MYO18B: variants seen among roughly 807,000 people sequenced by gnomAD.
The protein encoded by MYO18B is myosin XVIIIB.
In MYO18B, 204 loss-of-function variants were observed where a neutral mutation model predicts 273.0. The ratio of observed to expected loss-of-function variants is 0.75; its 90% CI spans 0.67 to 0.84. The LOEUF (loss-of-function observed/expected upper bound fraction) is 0.84, where lower values mean the gene tolerates loss of function less well. Ranked by LOEUF, MYO18B falls within the 40% of genes least tolerant of loss-of-function variation. The probability of loss-of-function intolerance (pLI) is 0.00; values close to 1 mark genes in which losing one functional copy is unlikely to be tolerated. For synonymous variants in MYO18B, 1,330 were observed against 1,305.7 expected (o/e 1.02, Z -0.40); for missense variants, 3,212 against 3,287.6 (o/e 0.98, Z 0.56).
intron 36 of MYO18B, among the ~76,000 whole-genome samples, chr22:25,948,488 C>A (rs1266704908): frequency 8.1e-6 from 1 of 123,218 alleles, no homozygotes; most frequent in South Asian, 2.7e-4. Flanking sequence ...CTTTCTTTCT[C>A]TTTCTTTCTT....
intron 1 of MYO18B, among the ~76,000 whole-genome samples, chr22:25,752,476 C>T (rs549815431): frequency 1.8e-3 from 278 of 152,076 alleles, no homozygotes; most frequent in Non-Finnish European, 2.6e-3. Flanking sequence ...CGTGAGCCAC[C>T]GCGCCCGGCC....
intron 42 of MYO18B, among the ~76,000 whole-genome samples, chr22:26,022,994 C>T (rs532006244): frequency 6.6e-6 from 1 of 152,250 alleles, no homozygotes; most frequent in Non-Finnish European, 1.5e-5. Context: ...GGCTACTTCG[C>T]CATGGACCCC....
chr22:25,786,394 C>T (rs973810143), intron 11 of MYO18B, among the ~76,000 whole-genome samples: 1 of 151,776 alleles, frequency 6.6e-6, no homozygotes, highest in Non-Finnish European at 1.5e-5. Context: ...TAGGAGTTCA[C>T]CAGATGGAGG....
chr22:25,791,251 A>G (rs2087648217), intron 11 of MYO18B, among the ~76,000 whole-genome samples: 1 of 152,186 alleles, frequency 6.6e-6, no homozygotes, highest in Admixed American at 6.5e-5. Context: ...GGCGGAGGCA[A>G]CCATGAGCTG....
chr22:25,930,713 A>G (rs1228262753), intron 34 of MYO18B, among the ~76,000 whole-genome samples: 2 of 151,876 alleles, frequency 1.3e-5, no homozygotes, highest in Non-Finnish European at 2.9e-5. Context: ...GGCTCAAGTG[A>G]TCCACCCGCC....
chr22:25,831,476 G>A (rs6004786), intron 15 of MYO18B, among the ~76,000 whole-genome samples: 2,535 of 152,206 alleles, frequency 0.017, 68 homozygotes, highest in East Asian at 0.11. Context: ...TCTGCCTCCC[G>A]GGTTCAAGCG....
At chr22:25,821,009 T>C (rs1425919088) in intron 12 of MYO18B, among the ~76,000 whole-genome samples, 1 of 152,248 alleles carries the variant, frequency 6.6e-6, no homozygotes, top group Non-Finnish European at 1.5e-5. Context: ...CAAGACTTCA[T>C]GCTTTTTTAT....
At chr22:25,793,941 C>CT (rs935110318) in intron 11 of MYO18B, among the ~76,000 whole-genome samples, 57 of 149,650 alleles carry the variant, frequency 3.8e-4, no homozygotes, top group South Asian at 8.5e-4. Flanking sequence ...TTGTCTCTCT[C>CT]TTTTTTTTTT....
intron 39 of MYO18B, among the ~76,000 whole-genome samples, chr22:25,977,988 A>G (rs1011734858): frequency 6.6e-6 from 1 of 152,198 alleles, no homozygotes; most frequent in Non-Finnish European, 1.5e-5. Flanking sequence ...GACCTGCTGC[A>G]TGCTACCCAA....
chr22:26,052,841 C>T, the MYO18B span, among the ~76,000 whole-genome samples: 7 of 145,404 alleles, frequency 4.8e-5, no homozygotes, highest in Non-Finnish European at 7.4e-5. Context: ...TTCGCTCTGT[C>T]GCTCAGGCTG....
chr22:25,759,842 G>A (rs1174204760), intron 1 of MYO18B, among the ~76,000 whole-genome samples: 2 of 152,116 alleles, frequency 1.3e-5, no homozygotes, highest in Admixed American at 1.3e-4. Flanking sequence ...ACATTCTCTA[G>A]TTATCGGACT....
At chr22:25,977,587 A>T (rs1390881649) in intron 39 of MYO18B, among the ~76,000 whole-genome samples, 1 of 152,156 alleles carries the variant, frequency 6.6e-6, no homozygotes, top group Non-Finnish European at 1.5e-5. Flanking sequence ...GGGGCATTAC[A>T]ATAGTTTGGC....
intron 36 of MYO18B, among the ~76,000 whole-genome samples, chr22:25,949,954 C>A (rs533165096): frequency 2.6e-5 from 4 of 152,098 alleles, no homozygotes; most frequent in Non-Finnish European, 5.9e-5. Context: ...ATTGTCAGTC[C>A]GTTTTACGAA....
At chr22:25,790,236 T>A (rs969831308) in intron 11 of MYO18B, among the ~76,000 whole-genome samples, 8 of 152,292 alleles carry the variant, frequency 5.3e-5, no homozygotes, top group Admixed American at 4.6e-4. Context: ...AACTGCTGTT[T>A]CCCTAATGTC....
chr22:25,962,957 T>A (rs1209617816), intron 39 of MYO18B, among the ~76,000 whole-genome samples: 2 of 152,016 alleles, frequency 1.3e-5, no homozygotes, highest in Non-Finnish European at 2.9e-5. Context: ...ACCCCTTTCC[T>A]TTCTTCTCTT....
chr22:25,866,784 CAAAAAAAAAA>C lies in MYO18B; in HGVS notation c.3886-1518_3886-1509del, dbSNP rs56260207. 1.4e-3 allele frequency among the ~76,000 whole-genome samples: 56 copies of C among 40,186 alleles called. 1 individual carries two copies. The East Asian group carries it at 0.017, about 12-fold the overall frequency. 26.4% of individuals were successfully genotyped at this position (40,186 alleles called of 152,430 possible). A position where few individuals can be genotyped will look rare whatever the true frequency, so the allele number is the denominator to read the frequency against. On this transcript the variant is annotated intron_variant, in intron 21 of 43. Transcript: ENST00000335473. ...CTGGTGACAGAGCGAGACTCCGTCTCAAAAAAAAAAAAAAAAAAAAAAAAAAAGAATAGTA... is the reference window on the plus strand; with the variant it reads ...CTGGTGACAGAGCGAGACTCCGTCTCAAAAAAAAAAAAAAAAAGAATAGTA...
chr22:25,840,589 G>A (rs1224907192), intron 17 of MYO18B, among the ~76,000 whole-genome samples: 1 of 152,266 alleles, frequency 6.6e-6, no homozygotes, highest in East Asian at 1.9e-4. Flanking sequence ...GGCACAGCTG[G>A]CGGGATGAGG....
intron 12 of MYO18B, among the ~76,000 whole-genome samples, chr22:25,822,482 A>G (rs1445941950): frequency 2.6e-5 from 4 of 152,226 alleles, no homozygotes; most frequent in Non-Finnish European, 5.9e-5. Context: ...TCAATGGACT[A>G]TAAGCTCCAT....
At position 25,842,525 on chromosome 22, in the gene MYO18B, A is replaced by C. The variant is rs1601317845; in HGVS notation, c.3209-1210A>C. The stretch of plus-strand genomic sequence containing the variant: ...CCATCCCTACTAAAAATACAAAATT[A>C]GCCAGGCATGTTGGCTCATGCCTGT... On this transcript the variant is annotated intron_variant, in intron 17 of 43. Coordinates refer to ENST00000335473, the MANE Select transcript of MYO18B (RefSeq NM_032608.7). Among the ~76,000 whole-genome samples, 6 of 152,078 alleles carry C rather than the reference A, an allele frequency of 3.9e-5. No homozygotes were observed. The South Asian group carries it at 1.0e-3, about 26-fold the overall frequency.
Sources: allele counts gnomAD v4.1 joint callset (sites outside exome capture counted in the v4.1 genomes callset), GRCh38; gene constraint gnomAD v4.1.1; transcripts MANE v1.5; gene names NCBI Gene and HGNC (gene_info 2026-07-23, HGNC 2026-07-21).